Variants in FSTL4 observed in about 807,000 individuals in gnomAD.
The protein encoded by FSTL4 is follistatin like 4.
A neutral mutation model predicts 78.2 loss-of-function variants in FSTL4; 28 were observed. The ratio of observed to expected loss-of-function variants is 0.36; its 90% confidence interval spans 0.27 to 0.49. The LOEUF is 0.49. FSTL4 is among the 20% of genes least tolerant of loss of function. FSTL4 has a pLI of 0.98. For missense variants in FSTL4, 922 were observed against 1,084.9 expected (o/e 0.85, Z 2.11); for synonymous variants, 422 against 440.5 (o/e 0.96, Z 0.53).
the FSTL4 span, among the ~76,000 whole-genome samples, chr5:133,659,677 ATCT>A: frequency 6.6e-6 from 1 of 151,630 alleles, no homozygotes; most frequent in Non-Finnish European, 1.5e-5. Context: ...TATTTTCCAC[ATCT>A]TCTTCTTCCC....
At chr5:133,719,838 A>C in the FSTL4 span, among the ~76,000 whole-genome samples, 1 of 152,196 alleles carries the variant, frequency 6.6e-6, no homozygotes, top group African/African-American at 2.4e-5. Flanking sequence ...TATTACATTT[A>C]AATTGAAGAT....
chr5:133,280,180 A>G (rs1752978896), intron 6 of FSTL4, among the ~76,000 whole-genome samples: 1 of 152,180 alleles, frequency 6.6e-6, no homozygotes, highest in African/African-American at 2.4e-5. Flanking sequence ...CAGGGAGCAA[A>G]TCAACCTCTA....
chr5:133,764,309 T>C, the FSTL4 span, among the ~76,000 whole-genome samples: 1 of 152,030 alleles, frequency 6.6e-6, no homozygotes, highest in African/African-American at 2.4e-5. Context: ...GCAGCCCAGG[T>C]TCAAGTTCTG....
At chr5:133,328,273 C>T (rs1754263493) in intron 4 of FSTL4, among the ~76,000 whole-genome samples, 3 of 152,220 alleles carry the variant, frequency 2.0e-5, no homozygotes. Context: ...TGCACCCCAG[C>T]ATCAGGTCAT....
intron 4 of FSTL4, among the ~76,000 whole-genome samples, chr5:133,394,588 C>G (rs557550304): frequency 6.6e-6 from 1 of 152,248 alleles, no homozygotes; most frequent in East Asian, 1.9e-4. Flanking sequence ...GCTGCCTCCC[C>G]GCAGGGCAGG....
chr5:133,321,664 T>C (rs80197552), intron 4 of FSTL4, among the ~76,000 whole-genome samples: 3,430 of 152,308 alleles, frequency 0.023, 86 homozygotes, highest in South Asian at 0.028. Context: ...TTCGAGAGAA[T>C]GCCATAAGGA....
chr5:133,805,617 T>C, the FSTL4 span, among the ~76,000 whole-genome samples: 1 of 152,238 alleles, frequency 6.6e-6, no homozygotes. Flanking sequence ...AAGGTGTGTA[T>C]GAGTGCTGAA....
At chr5:133,422,076 G>A (rs1287870894) in intron 3 of FSTL4, among the ~76,000 whole-genome samples, 1 of 152,174 alleles carries the variant, frequency 6.6e-6, no homozygotes, top group Non-Finnish European at 1.5e-5. Flanking sequence ...CGAGTGCCAA[G>A]TCCCTCGGGT....
At chr5:133,478,183 C>A (rs772775105) in intron 3 of FSTL4, among the ~76,000 whole-genome samples, 1 of 152,144 alleles carries the variant, frequency 6.6e-6, no homozygotes, top group Non-Finnish European at 1.5e-5. Flanking sequence ...GCCACATAAC[C>A]GATTCCCTGA....
chr5:133,196,698 G>A lies in FSTL4; in HGVS notation c.*2397C>T, dbSNP rs1750156578. 1 of 152,150 alleles carries A rather than the reference G, an allele frequency of 6.6e-6. No individual in the cohort carries two copies. Among genetic ancestry groups the A allele is most frequent in the Admixed American group, 6.5e-5 (1 of 15,272 alleles). 9.4% of individuals were successfully genotyped at this position (152,150 alleles called of 1,614,324 possible). Reference sequence around the variant, plus strand: ...TGAACCTCTGCTGGGGTGAAGTATGGGAGAAAGGGCAGGCCAGTCTGGCCT... The same window carrying A: ...TGAACCTCTGCTGGGGTGAAGTATGAGAGAAAGGGCAGGCCAGTCTGGCCT... On this transcript the variant is annotated 3_prime_UTR_variant, in exon 16 of 16. Transcript: ENST00000265342.
the FSTL4 span, among the ~76,000 whole-genome samples, chr5:133,791,122 C>G: frequency 6.6e-6 from 1 of 152,200 alleles, no homozygotes; most frequent in East Asian, 1.9e-4. Flanking sequence ...CTGCTTCAGG[C>G]TCTCCTGCCC....
chr5:133,821,048 T>C, the FSTL4 span, among the ~76,000 whole-genome samples: 181 of 152,336 alleles, frequency 1.2e-3, no homozygotes, highest in Admixed American at 3.0e-3. Context: ...TTATAATGTA[T>C]CCCTTTAAAA....
At chr5:133,556,083 G>A (rs1191346590) in intron 3 of FSTL4, among the ~76,000 whole-genome samples, 3 of 152,060 alleles carry the variant, frequency 2.0e-5, no homozygotes, top group Non-Finnish European at 4.4e-5. Context: ...CTCTGACTCT[G>A]CAGGCATGCT....
At chr5:133,463,080 G>T (rs1024574212) in intron 3 of FSTL4, among the ~76,000 whole-genome samples, 2 of 152,216 alleles carry the variant, frequency 1.3e-5, no homozygotes, top group Non-Finnish European at 2.9e-5. Flanking sequence ...TACTATGCAT[G>T]AAGCACCAGC....
At chr5:133,388,398 G>A (rs916606405) in intron 4 of FSTL4, 17 of 152,196 alleles carry the variant, frequency 1.1e-4, no homozygotes, top group Non-Finnish European at 2.4e-4. Context: ...TTCTACCAAT[G>A]TTCTTCATTG....
chr5:133,460,318 C>T (rs1370054411), intron 3 of FSTL4, among the ~76,000 whole-genome samples: 1 of 152,212 alleles, frequency 6.6e-6, no homozygotes, highest in South Asian at 2.1e-4. Flanking sequence ...CCAAGGGCAG[C>T]AACCAAGCCA....
the FSTL4 span, among the ~76,000 whole-genome samples, chr5:133,701,452 G>C: frequency 7.6e-6 from 1 of 131,976 alleles, no homozygotes; most frequent in African/African-American, 2.8e-5. Flanking sequence ...TGAGAACCTA[G>C]TCAGAAAGAC....
At chr5:133,454,955 T>C (rs1757455853) in intron 3 of FSTL4, among the ~76,000 whole-genome samples, 1 of 152,204 alleles carries the variant, frequency 6.6e-6, no homozygotes, top group Non-Finnish European at 1.5e-5. Context: ...CAAACTGAGA[T>C]CGCCTTGAGG....
In FSTL4 at chr5:133,392,272, C is replaced by T. The variant is rs894529431; in HGVS notation, c.409+8466G>A. Among the ~76,000 whole-genome samples, 21 of 151,984 alleles carry T rather than the reference C, an allele frequency of 1.4e-4. 1 individual carries two copies. The highest frequency in any genetic ancestry group is 1.2e-3 in the Admixed American group (18 of 15,268). The stretch of plus-strand genomic sequence containing the variant: ...ATGAAGATATGGTTGGGTCTTTGCT[C>T]GTGGGACAGTCTGGGTCTTTGAGGC... On this transcript the variant is annotated intron_variant, in intron 4 of 15. Transcript: ENST00000265342.
Sources: gnomAD v4.1 joint callset for allele counts (sites outside exome capture counted in the v4.1 genomes callset) on GRCh38, gnomAD v4.1.1 for gene constraint, MANE v1.5 for transcripts, NCBI Gene and HGNC (gene_info 2026-07-23, HGNC 2026-07-21) for gene names.